PCDHA2: variants seen among roughly 807,000 people sequenced by gnomAD.
The protein encoded by PCDHA2 is protocadherin alpha 2.
A neutral mutation model predicts 66.0 loss-of-function variants in PCDHA2; 58 were observed. The ratio of observed to expected loss-of-function variants is 0.88; its 90% CI spans 0.71 to 1.09. The LOEUF (loss-of-function observed/expected upper bound fraction) is 1.09, where lower values mean the gene tolerates loss of function less well. Ranked by LOEUF, PCDHA2 falls within the 50% of genes least tolerant of loss-of-function variation. PCDHA2 has a pLI of 0.00. For synonymous variants in PCDHA2, 634 were observed against 554.0 expected (o/e 1.14, Z -2.03); for missense variants, 1,267 against 1,242.3 (o/e 1.02, Z -0.30).
intron 1 of PCDHA2, among the ~76,000 whole-genome samples, chr5:140,920,752 G>A (rs2079807244): frequency 6.6e-6 from 1 of 151,768 alleles, no homozygotes; most frequent in African/African-American, 2.4e-5. Context: ...GCTGAGGCAG[G>A]AGAATTGCTT....
At chr5:140,800,194 A>G (rs782677898) in intron 1 of PCDHA2, among the ~76,000 whole-genome samples, 2 of 152,152 alleles carry the variant, frequency 1.3e-5, no homozygotes, top group Non-Finnish European at 2.9e-5. Flanking sequence ...TAAACCTAAT[A>G]TATTCTTAAT....
intron 1 of PCDHA2, chr5:140,860,193 A>T (rs1054138940): frequency 6.9e-6 from 1 of 145,758 alleles, no homozygotes; most frequent in Non-Finnish European, 1.5e-5. Context: ...CTCTCCTTAC[A>T]TATATATCTA....
At chr5:140,802,746 G>T (rs2149963151) in intron 1 of PCDHA2, 18 of 1,612,620 alleles carry the variant, frequency 1.1e-5, no homozygotes, top group Non-Finnish European at 1.5e-5. Flanking sequence ...GAGCGGCAAG[G>T]TGTACGCGCT....
chr5:140,944,569 G>A (rs2093670092), intron 1 of PCDHA2, among the ~76,000 whole-genome samples: 1 of 152,158 alleles, frequency 6.6e-6, no homozygotes, highest in African/African-American at 2.4e-5. Context: ...GCAACTTACT[G>A]TAGAGATCAC....
intron 1 of PCDHA2, among the ~76,000 whole-genome samples, chr5:140,806,411 G>A (rs1763727174): frequency 6.6e-6 from 1 of 152,182 alleles, no homozygotes; most frequent in Non-Finnish European, 1.5e-5. Context: ...GAGTTCCAAT[G>A]AATAAAATTA....
chr5:140,842,923 G>A (rs1454806269), intron 1 of PCDHA2: 1 of 1,594,526 alleles, frequency 6.3e-7, no homozygotes, highest in Non-Finnish European at 8.6e-7. Flanking sequence ...TGCAGTTCCA[G>A]GTGAGCGCGC....
intron 1 of PCDHA2, chr5:140,804,381 G>A (rs1763384494): frequency 6.6e-6 from 1 of 151,794 alleles, no homozygotes; most frequent in Non-Finnish European, 1.5e-5. Context: ...ATATCAATAT[G>A]AAGTGAAAAT....
At chr5:141,002,133 C>T (rs1172462824) in intron 3 of PCDHA2, among the ~76,000 whole-genome samples, 2 of 152,248 alleles carry the variant, frequency 1.3e-5, no homozygotes, top group African/African-American at 4.8e-5. Context: ...ATAGCCTTTG[C>T]CGGCTGCACT....
intron 1 of PCDHA2, among the ~76,000 whole-genome samples, chr5:140,903,136 A>C (rs1554190778): frequency 6.6e-6 from 1 of 152,212 alleles, no homozygotes; most frequent in Non-Finnish European, 1.5e-5. Flanking sequence ...AGAAATCTCC[A>C]AACTGTTTTC....
chr5:140,836,217 C>T, intron 1 of PCDHA2: 1 of 1,613,820 alleles, frequency 6.2e-7, no homozygotes, highest in Non-Finnish European at 8.5e-7. Flanking sequence ...GTATGAGTTG[C>T]AACCGGTGGC....
chr5:140,956,707 C>T (rs1461272130), intron 1 of PCDHA2, among the ~76,000 whole-genome samples: 9 of 152,120 alleles, frequency 5.9e-5, no homozygotes, highest in Non-Finnish European at 1.3e-4. Flanking sequence ...TTTGGAATAG[C>T]TTCAGAAGAA....
chr5:140,863,308 G>T (rs782229195), intron 1 of PCDHA2: 3 of 1,462,294 alleles, frequency 2.1e-6, no homozygotes, highest in Non-Finnish European at 1.9e-6. Context: ...CGCCATCTGC[G>T]TGGTGTCCAG....
intron 1 of PCDHA2, chr5:140,802,027 T>C: frequency 6.2e-7 from 1 of 1,614,204 alleles, no homozygotes; most frequent in Non-Finnish European, 8.5e-7. Context: ...AATAAGGATA[T>C]CGCGTATTCT....
At chr5:140,889,745 T>G (rs1295441616) in intron 1 of PCDHA2, among the ~76,000 whole-genome samples, 2 of 152,202 alleles carry the variant, frequency 1.3e-5, no homozygotes, top group Non-Finnish European at 2.9e-5. Flanking sequence ...CAGAGTCTAA[T>G]TTTTCTTTCC....
At chr5:140,883,202 G>T in intron 1 of PCDHA2, 1 of 1,613,916 alleles carries the variant, frequency 6.2e-7, no homozygotes, top group Non-Finnish European at 8.5e-7. Context: ...AGATTTCGAA[G>T]AAAAGAAATT....
At chr5:140,967,844 G>A in intron 1 of PCDHA2, 1 of 1,614,178 alleles carries the variant, frequency 6.2e-7, no homozygotes, top group Non-Finnish European at 8.5e-7. Flanking sequence ...GGACGTGAAT[G>A]ACAATGCCCC....
At chr5:140,937,844 G>A (rs926736710) in intron 1 of PCDHA2, among the ~76,000 whole-genome samples, 7 of 149,606 alleles carry the variant, frequency 4.7e-5, no homozygotes, top group Non-Finnish European at 8.9e-5. Context: ...CCTGGAAGGC[G>A]GAACTTGGAG....
At position 140,849,713 on chromosome 5, in the gene PCDHA2, G is replaced by A. The variant is rs2150446260; in HGVS notation, c.2388+52361G>A. ...TGTCCACCTACAAGAATTACTACTC[G>A]TTGGTGCTGGACAGAGCTCTGGACC... On this transcript the variant is annotated intron_variant, in intron 1 of 3. Transcript: ENST00000526136. The A allele has an allele frequency of 6.6e-5, 105 of 1,598,450 alleles. 8 individuals carry two copies. Among genetic ancestry groups the A allele is most frequent in the Middle Eastern group, 1.7e-4 (1 of 5,910 alleles).
rs2150165075 is a variant in PCDHA2 at position 140,829,273 on chromosome 5, T to C, written c.2388+31921T>C. ...ACTGCTCGCTGACGCCTCACGTCCC[T>C]TTCAAGCTGGTGTCCACCTTCAAGA... On this transcript the variant is annotated intron_variant, in intron 1 of 3. Coordinates refer to ENST00000526136, the MANE Select transcript of PCDHA2 (RefSeq NM_018905.3). 11 of 1,614,216 alleles carry C rather than the reference T, an allele frequency of 6.8e-6. No homozygotes were observed. The South Asian group carries it at 9.9e-5, about 15-fold the overall frequency.
Sources: allele counts gnomAD v4.1 joint callset (sites outside exome capture counted in the v4.1 genomes callset), GRCh38; gene constraint gnomAD v4.1.1; transcripts MANE v1.5; gene names NCBI Gene and HGNC (gene_info 2026-07-23, HGNC 2026-07-21).